The following GPC3 variants were observed in gnomAD, a reference collection of about 807,000 sequenced individuals.
The protein encoded by GPC3 is glypican 3, also known as glypican-3.
In GPC3, 3 loss-of-function variants were observed where a neutral mutation model predicts 34.4. The ratio of observed to expected loss-of-function variants is 0.09; its 90% CI spans 0.04 to 0.23. GPC3 has a LOEUF of 0.23. Ranked by LOEUF, GPC3 falls within the 10% of genes least tolerant of loss-of-function variation. The pLI is 1.00. For missense variants in GPC3, 351 were observed against 445.6 expected (o/e 0.79, Z 1.91); for synonymous variants, 177 against 174.0 (o/e 1.02, Z -0.13).
At chrX:133,608,070 C>T (rs777077989) in intron 6 of GPC3, among the ~76,000 whole-genome samples, 1 of 112,522 alleles carries the variant, frequency 8.9e-6, no homozygotes, top group Non-Finnish European at 1.9e-5. Context: ...GGCCAAAAGC[C>T]CCACACAGTC....
intron 2 of GPC3, among the ~76,000 whole-genome samples, chrX:133,875,167 T>A (rs2076010113): frequency 8.9e-6 from 1 of 111,953 alleles, no homozygotes; most frequent in African/African-American, 3.2e-5. Flanking sequence ...AAGATCTGAA[T>A]CACTCTGGCA....
intron 2 of GPC3, among the ~76,000 whole-genome samples, chrX:133,950,746 C>A (rs1232008679): frequency 9.0e-6 from 1 of 111,648 alleles, no homozygotes; most frequent in Non-Finnish European, 1.9e-5. Context: ...TTGTAGTGGT[C>A]CCCAGTTTGA....
intron 2 of GPC3, among the ~76,000 whole-genome samples, chrX:133,951,203 C>G (rs2076392001): frequency 9.1e-6 from 1 of 109,920 alleles, no homozygotes; most frequent in Non-Finnish European, 1.9e-5. Flanking sequence ...CAAGCTATAG[C>G]AGGCTTATCT....
At chrX:133,961,223 G>A (rs768081999) in intron 1 of GPC3, among the ~76,000 whole-genome samples, 1 of 111,170 alleles carries the variant, frequency 9.0e-6, no homozygotes, top group South Asian at 3.8e-4. Flanking sequence ...GGCGCACCTG[G>A]GTATCAGGAG....
chrX:133,971,940 G>C (rs1379928819), intron 1 of GPC3, among the ~76,000 whole-genome samples: 1 of 111,900 alleles, frequency 8.9e-6, no homozygotes, highest in Non-Finnish European at 1.9e-5. Flanking sequence ...ATTACCACTA[G>C]GATCTAATTT....
chrX:133,601,663 C>G (rs2069982591), intron 6 of GPC3, among the ~76,000 whole-genome samples: 1 of 112,126 alleles, frequency 8.9e-6, no homozygotes, highest in South Asian at 3.7e-4. Flanking sequence ...TCACATAACT[C>G]TTTCCATATT....
intron 6 of GPC3, among the ~76,000 whole-genome samples, chrX:133,623,355 G>T (rs757337040): frequency 9.0e-6 from 1 of 111,706 alleles, no homozygotes; most frequent in East Asian, 2.8e-4. Flanking sequence ...ATTAAAAGAC[G>T]CAGACTGGCA....
At chrX:133,965,177 C>T (rs775954388) in intron 1 of GPC3, among the ~76,000 whole-genome samples, 1 of 109,608 alleles carries the variant, frequency 9.1e-6, no homozygotes, top group Non-Finnish European at 1.9e-5. Flanking sequence ...GTCACCCCCC[C>T]CCACCCCCAA....
chrX:133,560,080 C>T (rs180986982), intron 7 of GPC3, among the ~76,000 whole-genome samples: 1 of 111,986 alleles, frequency 8.9e-6, no homozygotes, highest in Admixed American at 9.5e-5. Flanking sequence ...TGTGGATTGC[C>T]GTCAGTGTCC....
chrX:133,778,314 A>T (rs953329828), intron 2 of GPC3, among the ~76,000 whole-genome samples: 6 of 112,078 alleles, frequency 5.4e-5, no homozygotes, highest in African/African-American at 1.9e-4. Flanking sequence ...TCAAAAGCAG[A>T]ATGGAAAAGA....
In GPC3 at chrX:133,559,483, C is replaced by G. The variant is rs570959511; in HGVS notation, c.1574-23190G>C. Among the ~76,000 whole-genome samples, 24 of 111,125 alleles carry G rather than the reference C, an allele frequency of 2.2e-4. No homozygotes were observed. In the South Asian group the frequency reaches 8.5e-3, roughly 39 times the overall value. On this transcript the variant is annotated intron_variant, in intron 7 of 7. Transcript: ENST00000370818. ...TCTCTATCTTGTGGGGAAGATGGGG[C>G]AAGTACCAAAACCCCCCGTAGGCCA... is the stretch of plus-strand genomic sequence containing the variant.
intron 2 of GPC3, among the ~76,000 whole-genome samples, chrX:133,854,632 G>A (rs928884676): frequency 9.8e-5 from 11 of 112,122 alleles, no homozygotes; most frequent in Non-Finnish European, 1.5e-4. Flanking sequence ...TTCAGTATGC[G>A]TTGAAAGCCA....
At chrX:133,782,946 A>G (rs2072063884) in intron 2 of GPC3, among the ~76,000 whole-genome samples, 1 of 111,334 alleles carries the variant, frequency 9.0e-6, no homozygotes, top group African/African-American at 3.3e-5. Context: ...CAATTCTGAG[A>G]GCTCATTAGG....
chrX:133,833,873 G>A (rs1210688933), intron 2 of GPC3, among the ~76,000 whole-genome samples: 1 of 111,877 alleles, frequency 8.9e-6, no homozygotes, highest in East Asian at 2.8e-4. Flanking sequence ...CACTCTCTGT[G>A]TGTGTCTATG....
chrX:133,895,135 T>C (rs768590244), intron 2 of GPC3, among the ~76,000 whole-genome samples: 4 of 112,118 alleles, frequency 3.6e-5, no homozygotes, highest in South Asian at 3.8e-4. Context: ...GTCCAGATTC[T>C]ACTCAAATAG....
chrX:133,937,094 T>C (rs945561487), intron 2 of GPC3, among the ~76,000 whole-genome samples: 41 of 110,426 alleles, frequency 3.7e-4, no homozygotes, highest in Non-Finnish European at 7.0e-4. Flanking sequence ...TTATCTGGTC[T>C]AACCCTACAT....
chrX:133,615,158 A>C (rs902730985), intron 6 of GPC3, among the ~76,000 whole-genome samples: 1 of 112,049 alleles, frequency 8.9e-6, no homozygotes, highest in Non-Finnish European at 1.9e-5. Flanking sequence ...ATTTTCAAAA[A>C]ATGGAAGAGA....
intron 2 of GPC3, among the ~76,000 whole-genome samples, chrX:133,927,033 G>C (rs1423495870): frequency 9.0e-6 from 1 of 111,006 alleles, no homozygotes; most frequent in African/African-American, 3.3e-5. Context: ...TGCACATTGG[G>C]AGGCAGCAGA....
intron 7 of GPC3, among the ~76,000 whole-genome samples, chrX:133,593,330 C>CA (rs756083308): frequency 0.055 from 519 of 9,515 alleles, 23 homozygotes; most frequent in Middle Eastern, 0.11. Context: ...GAGACTGTCT[C>CA]AAAAAAAAAA....
Sources: gnomAD v4.1 joint callset for allele counts (sites outside exome capture counted in the v4.1 genomes callset) on GRCh38, gnomAD v4.1.1 for gene constraint, MANE v1.5 for transcripts, NCBI Gene and HGNC (gene_info 2026-07-23, HGNC 2026-07-21) for gene names.